PHAF1: variants seen among roughly 807,000 people sequenced by gnomAD.
PHAF1 encodes phagosome assembly factor 1.
Under a neutral mutation model 63.1 loss-of-function variants are expected in PHAF1, and 23 were observed. The observed-to-expected ratio is 0.36, with a 90% CI of 0.26 to 0.52. The LOEUF (loss-of-function observed/expected upper bound fraction) is 0.52. PHAF1 is among the 20% of genes least tolerant of loss of function. The pLI is 0.93. For synonymous variants in PHAF1, 167 were observed against 185.0 expected (o/e 0.90, Z 0.79); for missense variants, 427 against 517.2 (o/e 0.83, Z 1.69).
intron 8 of PHAF1, among the ~76,000 whole-genome samples, chr16:67,138,178 G>T (rs1034251932): frequency 6.6e-6 from 1 of 152,100 alleles, no homozygotes; most frequent in Non-Finnish European, 1.5e-5. Flanking sequence ...ACATCCACAC[G>T]TATCTGGTGC....
intron 1 of PHAF1, among the ~76,000 whole-genome samples, chr16:67,110,548 A>G (rs1040489891): frequency 3.9e-5 from 6 of 152,094 alleles, no homozygotes; most frequent in Non-Finnish European, 8.8e-5. Flanking sequence ...AATTCTCTCT[A>G]GTACCCCTCG....
intron 8 of PHAF1, among the ~76,000 whole-genome samples, chr16:67,138,830 G>A (rs1963698527): frequency 6.6e-6 from 1 of 152,134 alleles, no homozygotes; most frequent in Non-Finnish European, 1.5e-5. Flanking sequence ...GTAGAATTAG[G>A]GAGACAAGTA....
intron 1 of PHAF1, among the ~76,000 whole-genome samples, chr16:67,112,381 CAAAAAA>C (rs964546436): frequency 2.6e-4 from 12 of 45,382 alleles, no homozygotes; most frequent in African/African-American, 1.0e-3. Flanking sequence ...TCGTTTCTAC[CAAAAAA>C]AAAAAAAAAA....
intron 10 of PHAF1, among the ~76,000 whole-genome samples, chr16:67,142,194 C>CA (rs1305136071): frequency 8.5e-5 from 13 of 152,176 alleles, no homozygotes; most frequent in African/African-American, 3.1e-4. Context: ...CCTGAGGAGT[C>CA]AAGGAGTCCT....
chr16:67,144,800 A>G (rs1490275948), intron 11 of PHAF1, 34 bp from the exon 12 acceptor site: 1 of 1,611,630 alleles, frequency 6.2e-7, no homozygotes, highest in Non-Finnish European at 8.5e-7. Context: ...GCCTTCTAGG[A>G]GGCCCAGCCT....
rs1962436805 is a variant in PHAF1, at chr16:67,109,983, G to C, written c.-193G>C. On this transcript the variant is annotated 5_prime_UTR_variant, in exon 1 of 16. Coordinates refer to ENST00000219139, the MANE Select transcript of PHAF1 (RefSeq NM_025187.5). ...CGTCGTTGCCCCCGCTGCCGCGGCT[G>C]CTGCAGGTGAGGTGAAGTGAGGTGA... is the stretch of plus-strand genomic sequence containing the variant. 3.7e-6 allele frequency: 2 copies of C among 538,226 alleles called. No homozygotes were observed. The highest frequency in any genetic ancestry group is 2.0e-5 in the African/African-American group (1 of 49,602). 33.3% of individuals were successfully genotyped at this position (538,226 alleles called of 1,614,324 possible).
At chr16:67,111,120 C>T (rs1041560057) in intron 1 of PHAF1, among the ~76,000 whole-genome samples, 2 of 152,160 alleles carry the variant, frequency 1.3e-5, no homozygotes, top group South Asian at 2.1e-4. Context: ...GGCCCCGCTT[C>T]TCTCTCTTTT....
intron 3 of PHAF1, 143 bp from the exon 4 acceptor site, chr16:67,131,143 A>G (rs893624898): frequency 2.1e-6 from 1 of 484,638 alleles, no homozygotes; most frequent in Non-Finnish European, 3.5e-6. Flanking sequence ...AACAAAAGAT[A>G]ACATGCAGTG....
intron 3 of PHAF1, among the ~76,000 whole-genome samples, chr16:67,129,000 T>C (rs1273317374): frequency 6.6e-6 from 1 of 152,084 alleles, no homozygotes; most frequent in African/African-American, 2.4e-5. Flanking sequence ...TGGCCAGCTG[T>C]AGGGATAGAA....
chr16:67,137,072 G>A lies in PHAF1; in HGVS notation c.661+2605G>A, dbSNP rs550816559. 2.0e-5 allele frequency among the ~76,000 whole-genome samples: 3 copies of A among 151,964 alleles called. No individual in the cohort carries two copies. In the East Asian group the frequency reaches 5.9e-4, roughly 30 times the overall value. ...CGGGAGGCTGAGGCAGGAGAATGGCGTGAACCCAGGAGGTGGAGCTTGCAG... is the reference window on the plus strand; with the variant it reads ...CGGGAGGCTGAGGCAGGAGAATGGCATGAACCCAGGAGGTGGAGCTTGCAG... On this transcript the variant is annotated intron_variant, in intron 8 of 15. Coordinates refer to ENST00000219139, the MANE Select transcript of PHAF1 (RefSeq NM_025187.5).
intron 1 of PHAF1, among the ~76,000 whole-genome samples, chr16:67,110,833 C>T (rs1962483331): frequency 6.6e-6 from 1 of 151,842 alleles, no homozygotes. Flanking sequence ...TTTTTTGAGA[C>T]GAAGTCTCGC....
At position 67,117,573 on chromosome 16, in the gene PHAF1, G is replaced by A. The variant is rs1326107296; in HGVS notation, c.65-2539G>A. Among the ~76,000 whole-genome samples, 3 of 151,276 alleles carry A rather than the reference G, an allele frequency of 2.0e-5. No individual in the cohort carries two copies. The East Asian group carries it at 6.1e-4, about 31-fold the overall frequency. On this transcript the variant is annotated intron_variant, in intron 1 of 15. Coordinates refer to ENST00000219139, the MANE Select transcript of PHAF1 (RefSeq NM_025187.5). ...CGGTGGATCACGAGGTCAGGAGATC[G>A]AGACCATCCTGGCTTACATGGTGAA...
chr16:67,116,212 C>T (rs1334492989), intron 1 of PHAF1, among the ~76,000 whole-genome samples: 1 of 152,178 alleles, frequency 6.6e-6, no homozygotes, highest in African/African-American at 2.4e-5. Context: ...TGAGTCCCTA[C>T]TGTGGGCCAG....
chr16:67,141,695 G>C (rs747299759), intron 10 of PHAF1, among the ~76,000 whole-genome samples: 1 of 152,258 alleles, frequency 6.6e-6, no homozygotes, highest in Non-Finnish European at 1.5e-5. Flanking sequence ...CCAGCTCCAC[G>C]TAAGGGTGAG....
intron 1 of PHAF1, 40 bp from the exon 2 acceptor site, chr16:67,120,072 A>G (rs1403016633): frequency 1.3e-6 from 2 of 1,577,338 alleles, no homozygotes; most frequent in Non-Finnish European, 1.7e-6. Context: ...CAATAGATGG[A>G]TAGCCAAAAT....
intron 1 of PHAF1, among the ~76,000 whole-genome samples, chr16:67,118,900 C>T (rs751785840): frequency 1.3e-5 from 2 of 151,454 alleles, no homozygotes; most frequent in Non-Finnish European, 2.9e-5. Flanking sequence ...TTAGCCACCC[C>T]AGGACCTAGA....
intron 10 of PHAF1, among the ~76,000 whole-genome samples, chr16:67,140,976 A>T (rs1597214860): frequency 6.6e-6 from 1 of 152,296 alleles, no homozygotes; most frequent in South Asian, 2.1e-4. Flanking sequence ...GTGTGCTTGT[A>T]TATTTTTAGA....
chr16:67,124,545 T>G (rs936529470), intron 2 of PHAF1, among the ~76,000 whole-genome samples: 1 of 152,206 alleles, frequency 6.6e-6, no homozygotes, highest in Non-Finnish European at 1.5e-5. Flanking sequence ...CTGATAGCCA[T>G]ATCTCCATCA....
intron 6 of PHAF1, 168 bp downstream of exon 6, chr16:67,133,079 G>A (rs1963469567): frequency 1.6e-6 from 1 of 629,346 alleles, no homozygotes; most frequent in African/African-American, 1.8e-5. Context: ...TGGGTTGACA[G>A]AGGAAGAACA....
Sources: gnomAD v4.1 joint callset for allele counts (sites outside exome capture counted in the v4.1 genomes callset) on GRCh38, gnomAD v4.1.1 for gene constraint, MANE v1.5 for transcripts, NCBI Gene and HGNC (gene_info 2026-07-23, HGNC 2026-07-21) for gene names.